Variants in DYNLT2 observed in about 807,000 individuals in gnomAD.
DYNLT2 encodes the protein dynein light chain Tctex-type protein 2.
A neutral mutation model predicts 24.3 loss-of-function variants in DYNLT2; 24 were observed. The ratio of observed to expected loss-of-function variants is 0.99; its 90% CI spans 0.71 to 1.39. DYNLT2 has a LOEUF of 1.39. DYNLT2 is among the 40% of genes most tolerant of loss of function. DYNLT2 has a pLI of 0.00. For missense variants in DYNLT2, 246 were observed against 234.5 expected (o/e 1.05, Z -0.32); for synonymous variants, 85 against 85.4 (o/e 1.00, Z 0.03).
chr6:169,740,346 G>T (rs1161389343), intron 3 of DYNLT2, 51 bp from the exon 4 acceptor site: 4 of 1,091,618 alleles, frequency 3.7e-6, no homozygotes, highest in Non-Finnish European at 1.4e-6. Context: ...ATATTAAGAA[G>T]TAATTTTCAA....
chr6:169,738,729 C>G (rs1302566353), downstream of DYNLT2: 2 of 152,462 alleles, frequency 1.3e-5, no homozygotes, highest in Non-Finnish European at 2.9e-5. Context: ...AGTCGGCCGT[C>G]TTGGCCCCAC....
At chr6:169,743,342 T>A in intron 2 of DYNLT2, 104 bp from the exon 3 acceptor site, 1 of 496,222 alleles carries the variant, frequency 2.0e-6, no homozygotes, top group Middle Eastern at 6.0e-4. Flanking sequence ...ATAACTGTTT[T>A]AAAATAAATA....
intron 3 of DYNLT2, among the ~76,000 whole-genome samples, chr6:169,741,189 T>G (rs1789671490): frequency 6.6e-6 from 1 of 152,202 alleles, no homozygotes; most frequent in Non-Finnish European, 1.5e-5. Flanking sequence ...CTTGGCCTTG[T>G]GACTTGCTAT....
chr6:169,730,691 G>A, the DYNLT2 span, among the ~76,000 whole-genome samples: 1 of 152,278 alleles, frequency 6.6e-6, no homozygotes, highest in Middle Eastern at 3.4e-3. Flanking sequence ...GAAGTCAGGA[G>A]ATCGAGACCA....
chr6:169,736,994 T>G (rs1789575990), downstream of DYNLT2, among the ~76,000 whole-genome samples: 2 of 152,230 alleles, frequency 1.3e-5, no homozygotes, highest in African/African-American at 4.8e-5. Context: ...CCATATTTCT[T>G]GGAGGCTTTG....
chr6:169,741,589 T>TC (rs1240726621), intron 3 of DYNLT2, among the ~76,000 whole-genome samples: 1 of 152,008 alleles, frequency 6.6e-6, no homozygotes, highest in African/African-American at 2.4e-5. Flanking sequence ...GCTGAAACAT[T>TC]CCCCCACTGC....
At chr6:169,734,216 A>C in the DYNLT2 span, among the ~76,000 whole-genome samples, 5 of 152,336 alleles carry the variant, frequency 3.3e-5, no homozygotes, top group Non-Finnish European at 5.9e-5. Flanking sequence ...ATATAAAATC[A>C]TGTCATCTGC....
intron 1 of DYNLT2, among the ~76,000 whole-genome samples, chr6:169,748,482 A>G (rs1789861729): frequency 6.6e-6 from 1 of 152,158 alleles, no homozygotes; most frequent in Non-Finnish European, 1.5e-5. Flanking sequence ...GTGTTACTTT[A>G]AGTAGTTTCT....
the DYNLT2 span, among the ~76,000 whole-genome samples, chr6:169,729,248 GT>G: frequency 6.6e-6 from 1 of 152,114 alleles, no homozygotes; most frequent in Non-Finnish European, 1.5e-5. Context: ...AACTTACCTT[GT>G]TTTTTCTACT....
At chr6:169,730,563 G>A in the DYNLT2 span, among the ~76,000 whole-genome samples, 1 of 152,230 alleles carries the variant, frequency 6.6e-6, no homozygotes, top group Non-Finnish European at 1.5e-5. Context: ...GCATGTGGAA[G>A]AGAGGTTGGG....
Position 169,751,328 on chromosome 6 carries a change from T to G in DYNLT2, c.120+11A>C. ...TAGCCGTCTCGGGCCCCTAGCAGTC[T>G]CCGCACTCACTGCCTCCTTCTCGAA... On this transcript the variant is annotated intron_variant, in intron 1 of 3. Coordinates refer to ENST00000366774, the MANE Select transcript of DYNLT2 (RefSeq NM_174910.3). 1.2e-6 allele frequency: 2 copies of G among 1,613,004 alleles called. No individual in the cohort carries two copies. The highest frequency in any genetic ancestry group is 1.7e-6 in the Non-Finnish European group (2 of 1,179,552).
intron 3 of DYNLT2, 149 bp from the exon 4 acceptor site, chr6:169,740,444 G>A (rs1419329815): frequency 6.5e-6 from 4 of 613,950 alleles, no homozygotes; most frequent in South Asian, 2.0e-5. Context: ...CTTTCATAAA[G>A]AGCCTGGAGA....
At chr6:169,739,277 G>A (rs1397613412), downstream of DYNLT2, among the ~76,000 whole-genome samples, 1 of 150,418 alleles carries the variant, frequency 6.6e-6, no homozygotes, top group Non-Finnish European at 1.5e-5. Context: ...AAATTCCTGG[G>A]CTAGAGCAAT....
chr6:169,728,706 A>G, the DYNLT2 span, among the ~76,000 whole-genome samples: 2 of 152,226 alleles, frequency 1.3e-5, no homozygotes, highest in Non-Finnish European at 2.9e-5. Flanking sequence ...AATTTAAAAC[A>G]TGAGAAACAT....
At chr6:169,740,474 T>C (rs1789653794) in intron 3 of DYNLT2, among the ~76,000 whole-genome samples, 179 bp from the exon 4 acceptor site, 1 of 152,204 alleles carries the variant, frequency 6.6e-6, no homozygotes, top group African/African-American at 2.4e-5. Context: ...CCCCAGCCCA[T>C]CCTTCTTCTT....
Position 169,751,362 on chromosome 6 carries a change from G to A in DYNLT2, c.97C>T (p.Pro33Ser). Residue 33 changes from proline to serine, a missense_variant, in exon 1 of 4, where the codon CCT (proline) becomes TCT (serine). Physicochemically the swap from Pro to Ser is moderately conservative, Grantham distance 74. Coordinates refer to ENST00000366774, the MANE Select transcript of DYNLT2 (RefSeq NM_174910.3). The stretch of plus-strand genomic sequence containing the variant: ...ACTGCCTCCTTCTCGAACATGCTAG[G>A]CCTCCTTTCTTTCCTAGGCGTCACC... ...APVTPRKERR[P>S]SMFEKEAYTQ... 1 of 1,614,082 alleles carries A rather than the reference G, an allele frequency of 6.2e-7. No homozygotes were observed. Among genetic ancestry groups the A allele is most frequent in the Non-Finnish European group, 8.5e-7 (1 of 1,180,006 alleles).
intron 1 of DYNLT2, chr6:169,750,355 GCT>G (rs1420429479): frequency 4.6e-5 from 7 of 152,304 alleles, no homozygotes; most frequent in African/African-American, 1.7e-4. Context: ...GCCCTGCTCT[GCT>G]CTTTTTCTTA....
At chr6:169,727,327 G>A in the DYNLT2 span, among the ~76,000 whole-genome samples, 1 of 152,152 alleles carries the variant, frequency 6.6e-6, no homozygotes, top group African/African-American at 2.4e-5. Context: ...TTTTAAGATG[G>A]AAGACATTAG....
At chr6:169,742,826 T>C (rs1169457537) in intron 3 of DYNLT2, among the ~76,000 whole-genome samples, 1 of 152,186 alleles carries the variant, frequency 6.6e-6, no homozygotes, top group East Asian at 1.9e-4. Flanking sequence ...CTCAAACTCC[T>C]GACCTCAGGT....
Sources: gnomAD v4.1 joint callset for allele counts (sites outside exome capture counted in the v4.1 genomes callset) on GRCh38, gnomAD v4.1.1 for gene constraint, MANE v1.5 for transcripts, NCBI Gene and HGNC (gene_info 2026-07-23, HGNC 2026-07-21) for gene names.